Variants in CAST observed in about 807,000 individuals in gnomAD.
The protein encoded by CAST is calpastatin.
A neutral mutation model predicts 119.6 loss-of-function variants in CAST; 76 were observed. The observed-to-expected ratio is 0.64, with a 90% CI of 0.53 to 0.77. CAST has a LOEUF of 0.77. Among genes scored for constraint, CAST ranks in the 30% least tolerant of loss-of-function variants. The pLI, the probability that CAST is intolerant of heterozygous loss-of-function variation, is 0.00. For synonymous variants in CAST, 319 were observed against 331.6 expected, an observed-to-expected ratio of 0.96 and a Z score of 0.41; for missense variants, 953 against 946.5, an observed-to-expected ratio of 1.01 and a Z score of -0.09.
chr5:96,736,160 A>C lies in CAST; in HGVS notation c.631-12A>C. The C allele has an allele frequency of 6.3e-7, 1 of 1,588,672 alleles. No individual in the cohort carries two copies. Among genetic ancestry groups the C allele is most frequent in the East Asian group, 2.2e-5 (1 of 44,740 alleles). The stretch of plus-strand genomic sequence containing the variant: ...GTATGTGAGGAGTTGTTAATTTCTC[A>C]ATTCTCACCAGAAAAAAGAAAAGAA... On this transcript the variant is annotated splice_polypyrimidine_tract_variant and intron_variant, in intron 9 of 31. Coordinates refer to ENST00000675179, the MANE Select transcript of CAST (RefSeq NM_001750.7).
the CAST span, among the ~76,000 whole-genome samples, chr5:96,385,296 C>A: frequency 6.6e-6 from 1 of 152,090 alleles, no homozygotes; most frequent in Admixed American, 6.5e-5. Context: ...GTTGGGGTTT[C>A]CAAAATTTGA....
At chr5:96,547,758 A>G (rs6870000) in intron 1 of CAST, among the ~76,000 whole-genome samples, 93,600 of 152,024 alleles carry the variant, frequency 0.62, 29,192 homozygotes, top group East Asian at 0.86. Context: ...GGCCAAACAG[A>G]TGAGTCAAAT....
chr5:96,477,866 C>A, the CAST span, among the ~76,000 whole-genome samples: 104 of 152,096 alleles, frequency 6.8e-4, no homozygotes, highest in Non-Finnish European at 1.2e-3. Context: ...ATCAAGCAAA[C>A]CTTGGTAAGA....
the CAST span, among the ~76,000 whole-genome samples, chr5:96,172,372 G>A: frequency 6.6e-6 from 1 of 152,180 alleles, no homozygotes; most frequent in Non-Finnish European, 1.5e-5. Context: ...ATGTATACGT[G>A]CAGGTCACAG....
the CAST span, among the ~76,000 whole-genome samples, chr5:96,307,902 A>T: frequency 6.6e-6 from 1 of 151,886 alleles, no homozygotes; most frequent in African/African-American, 2.4e-5. Flanking sequence ...CTTTATTTCA[A>T]CCTTGATGAA....
the CAST span, among the ~76,000 whole-genome samples, chr5:96,060,225 C>T: frequency 6.6e-6 from 1 of 152,140 alleles, no homozygotes; most frequent in Non-Finnish European, 1.5e-5. Context: ...CACCCTCTAA[C>T]ATTATATAGT....
the CAST span, among the ~76,000 whole-genome samples, chr5:96,494,249 T>C: frequency 2.0e-5 from 3 of 152,150 alleles, no homozygotes; most frequent in Non-Finnish European, 4.4e-5. Flanking sequence ...TAATGGTAAC[T>C]TGTGGTGGGT....
At chr5:96,002,180 G>A in the CAST span, among the ~76,000 whole-genome samples, 6 of 152,180 alleles carry the variant, frequency 3.9e-5, no homozygotes, top group African/African-American at 7.2e-5. Context: ...TATACCATGC[G>A]TTTTGAAAAG....
intron 1 of CAST, among the ~76,000 whole-genome samples, chr5:96,603,759 CTTTTTT>C (rs70981832): frequency 5.0e-5 from 4 of 79,498 alleles, no homozygotes; most frequent in South Asian, 6.0e-4. Context: ...GTGCTGTACT[CTTTTTT>C]TTTTTTTTTT....
chr5:95,962,237 A>C, the CAST span, among the ~76,000 whole-genome samples: 1 of 152,228 alleles, frequency 6.6e-6, no homozygotes, highest in Admixed American at 6.5e-5. Flanking sequence ...GAATTGGGGA[A>C]TCTCGCCCTA....
intron 1 of CAST, among the ~76,000 whole-genome samples, chr5:96,606,241 G>T (rs761041453): frequency 5.9e-5 from 9 of 152,158 alleles, no homozygotes; most frequent in Admixed American, 3.9e-4. Context: ...CTGCCCCAAG[G>T]TGGGCAGAAC....
At chr5:96,187,372 C>A in the CAST span, among the ~76,000 whole-genome samples, 4 of 151,946 alleles carry the variant, frequency 2.6e-5, no homozygotes, top group Non-Finnish European at 4.4e-5. Flanking sequence ...TTGGTTATTT[C>A]TTATCTTCTA....
At chr5:96,701,005 C>A (rs1221576068) in intron 3 of CAST, among the ~76,000 whole-genome samples, 1 of 151,994 alleles carries the variant, frequency 6.6e-6, no homozygotes, top group African/African-American at 2.4e-5. Flanking sequence ...CAGCTCACTG[C>A]AACCTCCACC....
chr5:96,311,088 C>A, the CAST span, among the ~76,000 whole-genome samples: 1 of 152,014 alleles, frequency 6.6e-6, no homozygotes, highest in Non-Finnish European at 1.5e-5. Context: ...CCTCTTACAA[C>A]TGCTTTTGCT....
chr5:96,737,089 G>A (rs986152141), intron 10 of CAST, among the ~76,000 whole-genome samples: 5 of 152,046 alleles, frequency 3.3e-5, no homozygotes, highest in South Asian at 2.1e-4. Flanking sequence ...CATGAAAATC[G>A]CCCCAATGAT....
the CAST span, among the ~76,000 whole-genome samples, chr5:96,102,824 A>G: frequency 6.6e-6 from 1 of 150,776 alleles, no homozygotes; most frequent in Non-Finnish European, 1.5e-5. Flanking sequence ...ACCTTTTCCT[A>G]ATCCTTTTCT....
chr5:96,580,488 T>C (rs1746751454), intron 1 of CAST, among the ~76,000 whole-genome samples: 1 of 152,226 alleles, frequency 6.6e-6, no homozygotes, highest in African/African-American at 2.4e-5. Flanking sequence ...TTATGGGCCC[T>C]TCATGCTCTA....
the CAST span, among the ~76,000 whole-genome samples, chr5:96,422,253 T>A: frequency 6.6e-6 from 1 of 152,120 alleles, no homozygotes; most frequent in Non-Finnish European, 1.5e-5. Context: ...TTTACTTAGT[T>A]CAGTCATCTC....
chr5:96,053,190 C>G, the CAST span, among the ~76,000 whole-genome samples: 1 of 152,254 alleles, frequency 6.6e-6, no homozygotes, highest in Non-Finnish European at 1.5e-5. Flanking sequence ...TCCCGAGGAG[C>G]CTGAAAAACT....
Sources: allele counts gnomAD v4.1 joint callset (sites outside exome capture counted in the v4.1 genomes callset), GRCh38; gene constraint gnomAD v4.1.1; transcripts MANE v1.5; gene names NCBI Gene and HGNC (gene_info 2026-07-23, HGNC 2026-07-21).